Variants in ENSA observed in about 807,000 individuals in gnomAD.
The protein encoded by ENSA is endosulfine alpha, also known as alpha-endosulfine.
ENSA carries 7 observed loss-of-function variants against 16.8 expected under a neutral mutation model. That is an observed-to-expected ratio of 0.42 (90% CI 0.24 to 0.78). The LOEUF (loss-of-function observed/expected upper bound fraction) is 0.78, where lower values mean the gene tolerates loss of function less well. ENSA is among the 30% of genes least tolerant of loss of function. The pLI is 0.29. For synonymous variants in ENSA, 58 were observed against 53.4 expected, an observed-to-expected ratio of 1.09 and a Z score of -0.37; for missense variants, 87 against 142.3, an observed-to-expected ratio of 0.61 and a Z score of 1.98.
intron 2 of ENSA, chr1:150,627,220 C>G: frequency 6.6e-7 from 1 of 1,505,746 alleles, no homozygotes. Flanking sequence ...ACATCTTTCC[C>G]TCATTTCCCC....
At chr1:150,621,966 A>G (rs1472807228), downstream of ENSA, 3 of 152,180 alleles carry the variant, frequency 2.0e-5, no homozygotes, top group Non-Finnish European at 4.4e-5. Flanking sequence ...CATTGGTTAC[A>G]GAAACAAAGG....
rs1470292347 is a variant in ENSA at position 150,622,434 on chromosome 1, T to C, written c.*410A>G. ...TCTACAGAGCTCAACTAGAACCCCT[T>C]TTCATTAGGCTACTCCACTTCCTTC... On this transcript the variant is annotated 3_prime_UTR_variant, in exon 4 of 4. Coordinates refer to ENST00000369014, the MANE Select transcript of ENSA (RefSeq NM_004436.4). 1.0e-5 allele frequency: 2 copies of C among 194,176 alleles called. No individual in the cohort carries two copies. Among genetic ancestry groups the C allele is most frequent in the African/African-American group, 4.6e-5 (2 of 43,088 alleles). The allele number at this position is 194,176 out of a possible 1,614,324, so 12.0% of individuals were successfully genotyped here. A position where few individuals can be genotyped will look rare whatever the true frequency, so the allele number is the denominator to read the frequency against.
intron 3 of ENSA, among the ~76,000 whole-genome samples, 160 bp from the exon 4 acceptor site, chr1:150,623,019 A>C (rs183295064): frequency 6.3e-4 from 96 of 152,164 alleles, no homozygotes; most frequent in Non-Finnish European, 1.0e-3. Context: ...AGGGAGTTGC[A>C]AAAAAAATCA....
chr1:150,626,704 C>A (rs1649347832), intron 2 of ENSA, among the ~76,000 whole-genome samples: 1 of 152,178 alleles, frequency 6.6e-6, no homozygotes, highest in African/African-American at 2.4e-5. Flanking sequence ...CTACAGGCGC[C>A]CGCCACCACA....
intron 3 of ENSA, chr1:150,623,210 T>C: frequency 9.2e-7 from 1 of 1,087,976 alleles, no homozygotes; most frequent in Non-Finnish European, 1.1e-6. Context: ...CCACAGCTAC[T>C]TGCAAAGACT....
intron 2 of ENSA, 61 bp from the exon 3 acceptor site, chr1:150,625,869 G>C (rs1439552387): frequency 3.3e-6 from 5 of 1,508,010 alleles, no homozygotes; most frequent in Non-Finnish European, 3.5e-6. Flanking sequence ...AAAACAAGGA[G>C]ACTCACATCT....
intron 1 of ENSA, chr1:150,629,160 A>T: frequency 6.2e-7 from 1 of 1,613,910 alleles, no homozygotes. Context: ...TGCTCGGCCA[A>T]TTATAGCACA....
At chr1:150,629,392 G>A (rs908317141) in intron 1 of ENSA, 22 bp downstream of exon 1, 1 of 1,609,368 alleles carries the variant, frequency 6.2e-7, no homozygotes, top group African/African-American at 1.3e-5. Context: ...CAGCTCGCCC[G>A]CCCGCACCCC....
intron 3 of ENSA, chr1:150,624,554 C>T: frequency 1.0e-6 from 1 of 985,892 alleles, no homozygotes; most frequent in East Asian, 1.1e-4. Flanking sequence ...AGGCAAGAAG[C>T]TTCCATGGCT....
At chr1:150,626,954 G>T (rs1045323003) in intron 2 of ENSA, 2 of 712,016 alleles carry the variant, frequency 2.8e-6, no homozygotes, top group Non-Finnish European at 3.6e-6. Flanking sequence ...ACTCTCTCTT[G>T]GTAAGGAGGA....
At chr1:150,627,273 G>A in intron 2 of ENSA, 194 bp downstream of exon 2, 1 of 1,542,526 alleles carries the variant, frequency 6.5e-7, no homozygotes, top group Non-Finnish European at 8.7e-7. Context: ...TTCCTACATG[G>A]GAAATCAGGA....
rs1457362471 is a variant in ENSA at position 150,625,696 on chromosome 1, G to T, written c.296C>A (p.Thr99Asn). Reference sequence around the variant, plus strand: ...CTTTCTCTGGGGCAGATCCTGTGGGGTGGGGATGTGATCACCAGTCACCAG... The same window carrying T: ...CTTTCTCTGGGGCAGATCCTGTGGGTTGGGGATGTGATCACCAGTCACCAG... ...KNLVTGDHIPTPQDLPQRKSS... is the reference protein window; with the variant it reads ...KNLVTGDHIPNPQDLPQRKSS... Residue 99 changes from threonine (T) to asparagine (N), a missense_variant, in exon 3 of 4, where the codon ACC becomes AAC. Thr to Asn is a moderately conservative substitution (Grantham distance 65, BLOSUM62 0). Coordinates refer to ENST00000369014, the MANE Select transcript of ENSA (RefSeq NM_004436.4). 1 of 1,613,018 alleles carries T rather than the reference G, an allele frequency of 6.2e-7. No homozygotes were observed. Among genetic ancestry groups the T allele is most frequent in the Non-Finnish European group, 8.5e-7 (1 of 1,179,622 alleles).
chr1:150,629,281 C>T, intron 1 of ENSA, 133 bp downstream of exon 1: 4 of 1,511,728 alleles, frequency 2.6e-6, no homozygotes, highest in South Asian at 1.2e-5. Context: ...TTGAAGCTCA[C>T]CCAGCGTGAC....
intron 2 of ENSA, chr1:150,627,253 A>G: frequency 1.3e-6 from 2 of 1,528,706 alleles, no homozygotes; most frequent in South Asian, 1.3e-5. Flanking sequence ...GCTCCAATTT[A>G]GGCCTTAATT....
In ENSA at chr1:150,628,686, A is replaced by G. The variant is rs372478434; in HGVS notation, c.57+728T>C. Among the ~76,000 whole-genome samples the G allele has an allele frequency of 1.1e-4, 17 of 152,294 alleles. No homozygotes were observed. In the South Asian group the frequency reaches 3.1e-3, roughly 28 times the overall value. On this transcript the variant is annotated intron_variant, in intron 1 of 3. Transcript: ENST00000369014. ...TTTTAAAAGTCAAATACAAACCCCAATAAGGGGTTTATTTGGCGTTAGTGT... is the reference window on the plus strand; with the variant it reads ...TTTTAAAAGTCAAATACAAACCCCAGTAAGGGGTTTATTTGGCGTTAGTGT...
chr1:150,625,474 T>G, intron 3 of ENSA, 168 bp downstream of exon 3: 1 of 1,333,654 alleles, frequency 7.5e-7, no homozygotes, highest in Non-Finnish European at 9.6e-7. Context: ...TAAATAAACT[T>G]AGAGCCCCTT....
chr1:150,624,777 T>C (rs1216224335), intron 3 of ENSA: 1 of 985,338 alleles, frequency 1.0e-6, no homozygotes, highest in Non-Finnish European at 1.2e-6. Flanking sequence ...TATGGAGTTT[T>C]TCTGCTGGCA....
intron 3 of ENSA, 96 bp downstream of exon 3, chr1:150,625,546 G>T (rs985945805): frequency 6.9e-7 from 1 of 1,449,256 alleles, no homozygotes; most frequent in Non-Finnish European, 9.1e-7. Flanking sequence ...TGGCTAGCAA[G>T]CTGAGAAGAT....
At chr1:150,623,138 T>A in intron 3 of ENSA, 1 of 1,185,846 alleles carries the variant, frequency 8.4e-7, no homozygotes, top group Non-Finnish European at 1.1e-6. Flanking sequence ...AAGATCAAAA[T>A]AACTGGAGGT....
Sources: gnomAD v4.1 joint callset for allele counts (sites outside exome capture counted in the v4.1 genomes callset) on GRCh38, gnomAD v4.1.1 for gene constraint, MANE v1.5 for transcripts, NCBI Gene and HGNC (gene_info 2026-07-23, HGNC 2026-07-21) for gene names.